The following FAP variants were observed in gnomAD, a reference collection of about 807,000 sequenced individuals.
The protein encoded by FAP is prolyl endopeptidase FAP.
A neutral mutation model predicts 126.5 loss-of-function variants in FAP; 110 were observed. That is an observed-to-expected ratio of 0.87 (90% confidence interval 0.74 to 1.02). The LOEUF (loss-of-function observed/expected upper bound fraction) is 1.02, where lower values mean the gene tolerates loss of function less well. Ranked by LOEUF, FAP falls within the 50% of genes least tolerant of loss-of-function variation. The pLI, the probability that FAP is intolerant of heterozygous loss-of-function variation, is 0.00. For missense variants in FAP, 919 were observed against 909.2 expected (o/e 1.01, Z -0.14); for synonymous variants, 334 against 297.3 (o/e 1.12, Z -1.27).
At chr2:162,206,963 T>C (rs776340216) in intron 12 of FAP, among the ~76,000 whole-genome samples, 20 of 152,218 alleles carry the variant, frequency 1.3e-4, no homozygotes, top group Non-Finnish European at 5.9e-5. Context: ...TTTTCCATTT[T>C]AAATATCTCT....
intron 15 of FAP, among the ~76,000 whole-genome samples, chr2:162,199,813 T>C (rs767778851): frequency 2.9e-4 from 44 of 152,192 alleles, no homozygotes; most frequent in African/African-American, 7.5e-4. Flanking sequence ...CAGGGGAATA[T>C]GACAGAGGGA....
chr2:162,190,665 G>T (rs921344404), intron 17 of FAP, among the ~76,000 whole-genome samples: 16 of 152,040 alleles, frequency 1.1e-4, no homozygotes, highest in African/African-American at 3.9e-4. Flanking sequence ...AATAATATGT[G>T]GAGTTTTAGC....
At chr2:162,208,706 G>A (rs1336724634) in intron 12 of FAP, among the ~76,000 whole-genome samples, 1 of 151,970 alleles carries the variant, frequency 6.6e-6, no homozygotes, top group Non-Finnish European at 1.5e-5. Context: ...TGAAAGGTGA[G>A]ATTCAGATTG....
chr2:162,218,077 G>T lies in FAP; in HGVS notation c.671C>A (p.Ala224Glu). 1 of 1,607,032 alleles carries T rather than the reference G, an allele frequency of 6.2e-7. No homozygotes were observed. The highest frequency in any genetic ancestry group is 8.5e-7 in the Non-Finnish European group (1 of 1,176,040). The change falls in exon 9 of 26, where the codon GCG becomes GAG. Residue 224 changes from alanine (A) to glutamate (E), a missense_variant. Ala to Glu is a moderately radical substitution (Grantham distance 107). Coordinates refer to ENST00000188790, the MANE Select transcript of FAP (RefSeq NM_004460.5). ...WSPNGKFLAY[A>E]EFNDTDIPVI... ...TGGTATATCCGTATCATTAAATTCC[G>T]CATATGCCAAAAATTTTCCATTAGG...
At chr2:162,233,957 G>T (rs965857989) in intron 2 of FAP, among the ~76,000 whole-genome samples, 1 of 152,072 alleles carries the variant, frequency 6.6e-6, no homozygotes, top group Non-Finnish European at 1.5e-5. Context: ...ACCATCATTT[G>T]TTGAAAAGAC....
intron 12 of FAP, among the ~76,000 whole-genome samples, chr2:162,208,270 G>T (rs950073339): frequency 2.1e-4 from 32 of 151,266 alleles, no homozygotes; most frequent in African/African-American, 7.8e-4. Flanking sequence ...AAAAAAAAAG[G>T]TCTAAAGCTT....
In FAP at chr2:162,188,316, T is replaced by C. The variant is rs1324882232; in HGVS notation, c.1667A>G (p.Asn556Ser). The C allele has an allele frequency of 1.2e-6, 2 of 1,613,114 alleles. No individual in the cohort carries two copies. Among genetic ancestry groups the C allele is most frequent in the East Asian group, 4.5e-5 (2 of 44,858 alleles). ...CTTACTTGCAAGATAAGATATCCAA[T>C]TAACAGCAAATACAGACCTTACACT... is the stretch of plus-strand genomic sequence containing the variant. ...SQSVRSVFAV[N>S]WISYLASKEG... Residue 556 changes from asparagine (N) to serine (S), a missense_variant, in exon 20 of 26, where the codon AAT becomes AGT. Coordinates refer to ENST00000188790, the MANE Select transcript of FAP (RefSeq NM_004460.5).
chr2:162,211,829 C>A (rs192217827), intron 11 of FAP, among the ~76,000 whole-genome samples: 6 of 152,100 alleles, frequency 3.9e-5, no homozygotes, highest in African/African-American at 1.4e-4. Flanking sequence ...GTTTCCTTTG[C>A]CTCTTTGTTT....
intron 2 of FAP, among the ~76,000 whole-genome samples, chr2:162,231,653 G>T (rs1312969435): frequency 6.6e-6 from 1 of 152,126 alleles, no homozygotes; most frequent in African/African-American, 2.4e-5. Flanking sequence ...ATGAATCCAA[G>T]AAATTACAAT....
chr2:162,221,466 A>G (rs1689392413), intron 6 of FAP: 2 of 302,246 alleles, frequency 6.6e-6, no homozygotes, highest in South Asian at 2.7e-5. Flanking sequence ...AGGAGGTTGC[A>G]GTGAGCCGAG....
intron 21 of FAP, 50 bp downstream of exon 21, chr2:162,183,364 T>TG (rs772675678): frequency 6.1e-6 from 8 of 1,320,748 alleles, no homozygotes; most frequent in Non-Finnish European, 8.7e-6. Context: ...CTTCAGAAAA[T>TG]GATGATTGCT....
rs373310415 is a variant in FAP at position 162,226,497 on chromosome 2, C to A, written c.190+26G>T. 2.8e-4 allele frequency: 346 copies of A among 1,228,576 alleles called. 1 individual carries two copies. Among genetic ancestry groups the A allele is most frequent in the Middle Eastern group, 7.0e-4 (3 of 4,264 alleles). 76.1% of individuals were successfully genotyped at this position (1,228,576 alleles called of 1,614,324 possible). On this transcript the variant is annotated intron_variant, in intron 3 of 25. Transcript: ENST00000188790. ...AACCAAACAAAATACATAAAAAAAA[C>A]CCCTAAAGATAAATAATGCACTTAC...
At chr2:162,212,660 T>C (rs1420680234) in intron 11 of FAP, among the ~76,000 whole-genome samples, 1 of 152,202 alleles carries the variant, frequency 6.6e-6, no homozygotes, top group Non-Finnish European at 1.5e-5. Flanking sequence ...AGATGAAATT[T>C]AGTGATTTAC....
intron 8 of FAP, 111 bp from the exon 9 acceptor site, chr2:162,218,251 G>T: frequency 1.4e-6 from 1 of 700,940 alleles, no homozygotes; most frequent in Non-Finnish European, 2.2e-6. Flanking sequence ...TAATGTGGAT[G>T]TGACATATGT....
chr2:162,213,854 A>G, intron 11 of FAP, 84 bp downstream of exon 11: 1 of 1,387,682 alleles, frequency 7.2e-7, no homozygotes, highest in Non-Finnish European at 9.7e-7. Context: ...TGGCTTTACA[A>G]CATAAAATGT....
intron 14 of FAP, among the ~76,000 whole-genome samples, chr2:162,200,957 G>C (rs761028269): frequency 6.6e-6 from 1 of 151,990 alleles, no homozygotes; most frequent in Non-Finnish European, 1.5e-5. Flanking sequence ...TCTGTACTAC[G>C]TTATTTAATT....
Position 162,225,548 on chromosome 2 carries a change from T to G in FAP, c.220A>C (p.Asn74His), listed in dbSNP as rs1689609441. The G allele has an allele frequency of 6.3e-7, 1 of 1,599,920 alleles. No individual in the cohort carries two copies. The highest frequency in any genetic ancestry group is 1.3e-5 in the African/African-American group (1 of 74,342). Residue 74 changes from asparagine to histidine, a missense_variant, in exon 4 of 26, where the codon AAC (asparagine) becomes CAC (histidine). By Grantham distance (68) the Asn-to-His change is moderately conservative. Transcript: ENST00000188790. ...GQEYLHQSAD[N>H]NIVLYNIETG... The stretch of plus-strand genomic sequence containing the variant: ...TCAATATTATAAAGTACTATATTGT[T>G]ATCTGCAGATTGATGAAGATATTCT...
chr2:162,171,085 AAC>A lies in FAP; in HGVS notation c.2182-7_2182-6del. On this transcript the variant is annotated splice_region_variant and splice_polypyrimidine_tract_variant and intron_variant, in intron 25 of 25. Coordinates refer to ENST00000188790, the MANE Select transcript of FAP (RefSeq NM_004460.5). Reference sequence around the variant, plus strand: ...GTGGTTCTGGTCAGAGTACCACTGAAACACAAAGAAAAAAGCTTGTTTTATTC... The same window carrying A: ...GTGGTTCTGGTCAGAGTACCACTGAAACAAAGAAAAAAGCTTGTTTTATTC... 6.2e-7 allele frequency: 1 copy of A among 1,610,566 alleles called. No individual in the cohort carries two copies. The highest frequency in any genetic ancestry group is 8.5e-7 in the Non-Finnish European group (1 of 1,177,978).
chr2:162,236,454 T>G (rs190675229), intron 2 of FAP, among the ~76,000 whole-genome samples: 52 of 152,134 alleles, frequency 3.4e-4, no homozygotes, highest in East Asian at 7.7e-4. Context: ...TTTTGTTTTT[T>G]TTTTTTTGTG....
Sources: allele counts gnomAD v4.1 joint callset (sites outside exome capture counted in the v4.1 genomes callset), GRCh38; gene constraint gnomAD v4.1.1; transcripts MANE v1.5; gene names NCBI Gene and HGNC (gene_info 2026-07-23, HGNC 2026-07-21).